The following DOCK3 variants were observed in gnomAD, a reference collection of about 807,000 sequenced individuals.
DOCK3 encodes the protein dedicator of cytokinesis protein 3.
A neutral mutation model predicts 265.6 loss-of-function variants in DOCK3; 60 were observed. That is an observed-to-expected ratio of 0.23 (90% CI 0.18 to 0.28). The LOEUF is 0.28. Among genes scored for constraint, DOCK3 ranks in the 10% least tolerant of loss-of-function variants. The pLI is 1.00. For synonymous variants in DOCK3, 881 were observed against 938.0 expected, an observed-to-expected ratio of 0.94 and a Z score of 1.11; for missense variants, 1,981 against 2,594.3, an observed-to-expected ratio of 0.76 and a Z score of 5.14.
intron 9 of DOCK3, among the ~76,000 whole-genome samples, chr3:51,099,151 C>T (rs1342782583): frequency 2.0e-5 from 3 of 152,174 alleles, no homozygotes; most frequent in African/African-American, 7.2e-5. Flanking sequence ...ATATTTCATA[C>T]TAGTGGTCAG....
At chr3:50,981,488 A>G (rs1000565813) in intron 5 of DOCK3, among the ~76,000 whole-genome samples, 5 of 152,164 alleles carry the variant, frequency 3.3e-5, no homozygotes, top group Non-Finnish European at 7.4e-5. Flanking sequence ...TTTAAATCCA[A>G]TGTTTCTTTG....
intron 5 of DOCK3, among the ~76,000 whole-genome samples, chr3:50,991,347 G>A (rs911104911): frequency 1.3e-5 from 2 of 152,182 alleles, no homozygotes; most frequent in African/African-American, 4.8e-5. Context: ...GTCTTCAAGA[G>A]ACCCATCTCA....
At chr3:51,220,120 A>G (rs888193701) in intron 14 of DOCK3, among the ~76,000 whole-genome samples, 2 of 152,104 alleles carry the variant, frequency 1.3e-5, no homozygotes, top group Non-Finnish European at 1.5e-5. Flanking sequence ...GTAAATAAGA[A>G]CTACTCCATT....
chr3:50,822,786 G>A (rs2044521096), intron 2 of DOCK3, among the ~76,000 whole-genome samples: 1 of 152,166 alleles, frequency 6.6e-6, no homozygotes, highest in Admixed American at 6.5e-5. Context: ...GGGCCACTGT[G>A]CCTGGCCTTG....
intron 4 of DOCK3, among the ~76,000 whole-genome samples, chr3:50,904,936 G>A (rs1041108354): frequency 2.0e-5 from 3 of 152,034 alleles, no homozygotes; most frequent in Non-Finnish European, 4.4e-5. Context: ...ATTAATTTTT[G>A]TATAAGGTGT....
At position 51,380,177 on chromosome 3, in the gene DOCK3, C is replaced by A. The variant is rs782321093; in HGVS notation, c.5553C>A (p.Pro1851=). The part of the protein sequence containing the change: ...DAFHHPLGDT[P]PALPARTLRK... Reference sequence around the variant, plus strand: ...TCCACCACCCTCTGGGTGATACCCCCCCAGCCCTCCCTGCCCGGACCCTGC... The same window carrying A: ...TCCACCACCCTCTGGGTGATACCCCACCAGCCCTCCCTGCCCGGACCCTGC... Residue 1851 remains proline, a synonymous_variant, in exon 52 of 53, where the codon CCC becomes CCA. Coordinates refer to ENST00000266037, the MANE Select transcript of DOCK3 (RefSeq NM_004947.5). 1 of 1,613,646 alleles carries A rather than the reference C, an allele frequency of 6.2e-7. No homozygotes were observed. The highest frequency in any genetic ancestry group is 1.7e-5 in the Admixed American group (1 of 59,992).
At chr3:50,676,344 C>T (rs1034128018) in intron 1 of DOCK3, among the ~76,000 whole-genome samples, 102 of 152,250 alleles carry the variant, frequency 6.7e-4, no homozygotes, top group African/African-American at 2.2e-3. Context: ...TATTTAAATT[C>T]GAGGACCAGC....
In DOCK3 at chr3:50,933,163, A is replaced by C. The variant is rs527949217; in HGVS notation, c.219-818A>C. Among the ~76,000 whole-genome samples the C allele has an allele frequency of 5.2e-4, 79 of 152,288 alleles. No individual in the cohort carries two copies. In the Middle Eastern group the frequency reaches 0.01, roughly 20 times the overall value. ...TCTCACTGGGTCTCTGCCACAACAC[A>C]TGGGAATTATGAGAGCTACAAGTCA... On this transcript the variant is annotated intron_variant, in intron 4 of 52. Transcript: ENST00000266037.
At chr3:50,888,328 G>T (rs1313311807) in intron 3 of DOCK3, among the ~76,000 whole-genome samples, 3 of 152,078 alleles carry the variant, frequency 2.0e-5, no homozygotes, top group Non-Finnish European at 2.9e-5. Flanking sequence ...TCTTCAAGGA[G>T]AACTACAAAC....
At chr3:51,160,490 A>G (rs2086071850) in intron 11 of DOCK3, 65 bp from the exon 12 acceptor site, 5 of 1,511,466 alleles carry the variant, frequency 3.3e-6, no homozygotes, top group Middle Eastern at 1.8e-4. Context: ...TTGGATGACA[A>G]TTAGGTGATA....
At chr3:50,917,359 C>T (rs2107987851) in intron 4 of DOCK3, among the ~76,000 whole-genome samples, 1 of 152,124 alleles carries the variant, frequency 6.6e-6, no homozygotes, top group South Asian at 2.1e-4. Flanking sequence ...AACTTGATTA[C>T]TTGGTTAATT....
rs112056468 is a variant in DOCK3, at chr3:51,045,305, G to A, written c.316-19143G>A. ...GAGGGAAAGAGATAGGGGAATGCCT[G>A]ATTGGTGGAGCAGTGACAATACAGA... is the stretch of plus-strand genomic sequence containing the variant. On this transcript the variant is annotated intron_variant, in intron 5 of 52. Transcript: ENST00000266037. Among the ~76,000 whole-genome samples, 9 of 152,206 alleles carry A rather than the reference G, an allele frequency of 5.9e-5. 2 individuals carry two copies. Among genetic ancestry groups the A allele is most frequent in the African/African-American group, 1.9e-4 (8 of 41,536 alleles).
At chr3:51,261,436 C>T (rs535100689) in intron 23 of DOCK3, among the ~76,000 whole-genome samples, 2 of 152,174 alleles carry the variant, frequency 1.3e-5, no homozygotes, top group Non-Finnish European at 2.9e-5. Flanking sequence ...GAGATTCCCT[C>T]AGGTGCCTAC....
At chr3:51,156,297 C>T (rs550158825) in intron 10 of DOCK3, among the ~76,000 whole-genome samples, 2 of 152,306 alleles carry the variant, frequency 1.3e-5, no homozygotes, top group East Asian at 1.9e-4. Context: ...ATTGTCTCTT[C>T]TACACACTGT....
intron 15 of DOCK3, among the ~76,000 whole-genome samples, chr3:51,226,063 AC>A (rs370727091): frequency 6.4e-4 from 97 of 152,168 alleles, no homozygotes; most frequent in African/African-American, 2.2e-3. Context: ...CTGTCATTCC[AC>A]CTAGCATAGA....
rs528527243 is a variant in DOCK3, at chr3:50,815,830, A to G, written c.122-25845A>G. ...TGAGTCATGAATTGGGGTAGCCTTCATTCTACAAAATGGAATGAGAGCTCC... is the reference window on the plus strand; with the variant it reads ...TGAGTCATGAATTGGGGTAGCCTTCGTTCTACAAAATGGAATGAGAGCTCC... On this transcript the variant is annotated intron_variant, in intron 2 of 52. Transcript: ENST00000266037. Among the ~76,000 whole-genome samples, 65 of 152,298 alleles carry G rather than the reference A, an allele frequency of 4.3e-4. 2 individuals are homozygous for G. In the South Asian group the frequency reaches 7.2e-3, roughly 17 times the overall value.
intron 5 of DOCK3, among the ~76,000 whole-genome samples, chr3:50,973,733 G>C (rs1167136418): frequency 1.2e-5 from 1 of 80,480 alleles, no homozygotes; most frequent in Non-Finnish European, 2.4e-5. Context: ...CACAATGGTT[G>C]AACTAGTTTA....
intron 3 of DOCK3, chr3:50,863,321 TGA>T: frequency 4.1e-6 from 2 of 488,076 alleles, no homozygotes; most frequent in South Asian, 3.1e-5. Flanking sequence ...AGTTCAGGTC[TGA>T]GGGGAATGCA....
At chr3:51,096,732 G>A (rs2082873415) in intron 9 of DOCK3, among the ~76,000 whole-genome samples, 1 of 152,076 alleles carries the variant, frequency 6.6e-6, no homozygotes, top group Admixed American at 6.5e-5. Flanking sequence ...TCCGGTTTTT[G>A]GAATTTTCAG....
Sources: gnomAD v4.1 joint callset for allele counts (sites outside exome capture counted in the v4.1 genomes callset) on GRCh38, gnomAD v4.1.1 for gene constraint, MANE v1.5 for transcripts, NCBI Gene and HGNC (gene_info 2026-07-23, HGNC 2026-07-21) for gene names.